AFF2: variants seen among roughly 807,000 people sequenced by gnomAD.
The protein encoded by AFF2 is AF4/FMR2 family member 2.
AFF2 carries 14 observed loss-of-function variants against 76.9 expected under a neutral mutation model. The observed-to-expected ratio is 0.18, with a 90% CI of 0.12 to 0.28. The LOEUF (loss-of-function observed/expected upper bound fraction) is 0.28, where lower values mean the gene tolerates loss of function less well. AFF2 is among the 10% of genes least tolerant of loss of function. The pLI is 1.00. For synonymous variants in AFF2, 398 were observed against 366.7 expected (o/e 1.09, Z -0.98); for missense variants, 868 against 1,001.1 (o/e 0.87, Z 1.79).
At chrX:148,559,240 A>G (rs781815401) in intron 1 of AFF2, among the ~76,000 whole-genome samples, 3 of 111,606 alleles carry the variant, frequency 2.7e-5, no homozygotes, top group Non-Finnish European at 5.7e-5. Context: ...AAAAATCAAG[A>G]CGCATGCAGA....
rs988928703 is a variant in AFF2, at chrX:148,604,597, A to T, written c.48-47402A>T. ...ACATGCAAATTGAAATTACAGATTT[A>T]AAAAAAAGGAAAATAAAACACTACA... is the stretch of plus-strand genomic sequence containing the variant. On this transcript the variant is annotated intron_variant, in intron 1 of 20. Coordinates refer to ENST00000370460, the MANE Select transcript of AFF2 (RefSeq NM_002025.4). Among the ~76,000 whole-genome samples, 13 of 111,832 alleles carry T rather than the reference A, an allele frequency of 1.2e-4. No individual in the cohort carries two copies. The East Asian group carries it at 1.4e-3, about 12-fold the overall frequency.
intron 2 of AFF2, among the ~76,000 whole-genome samples, chrX:148,653,113 A>G (rs113449354): frequency 0.013 from 1,402 of 111,206 alleles, 25 homozygotes; most frequent in African/African-American, 0.044. Flanking sequence ...ACCTTGTTCA[A>G]AGCAAGTAAG....
chrX:148,981,331 T>C (rs1557290834), intron 19 of AFF2, among the ~76,000 whole-genome samples: 1 of 111,098 alleles, frequency 9.0e-6, no homozygotes, highest in Non-Finnish European at 1.9e-5. Flanking sequence ...CCTGAGGCCT[T>C]ATTTAGAGTT....
At chrX:148,912,312 G>A (rs782763095) in intron 9 of AFF2, among the ~76,000 whole-genome samples, 1 of 111,774 alleles carries the variant, frequency 8.9e-6, no homozygotes, top group Non-Finnish European at 1.9e-5. Context: ...AGGCCCTGGT[G>A]TGTGTGTTCC....
chrX:148,745,418 C>T (rs782095361), intron 3 of AFF2, among the ~76,000 whole-genome samples: 4 of 111,582 alleles, frequency 3.6e-5, no homozygotes, highest in South Asian at 3.8e-4. Flanking sequence ...ACTCTATCTC[C>T]GGAATTATAT....
intron 7 of AFF2, among the ~76,000 whole-genome samples, chrX:148,849,795 G>A (rs1263878411): frequency 9.0e-6 from 1 of 111,651 alleles, no homozygotes; most frequent in African/African-American, 3.3e-5. Context: ...AGGCAGAACA[G>A]GACTGACTCC....
At position 148,776,751 on chromosome X, in the gene AFF2, AT is replaced by A. The variant is rs782083924; in HGVS notation, c.1042-33123del. ...TTTAAGTTCCTTGTAGATTCTGGAT[AT>A]TAGCCCTTTGTCAGATGGATAGATT... On this transcript the variant is annotated intron_variant, in intron 3 of 20. Coordinates refer to ENST00000370460, the MANE Select transcript of AFF2 (RefSeq NM_002025.4). 3.6e-5 allele frequency among the ~76,000 whole-genome samples: 4 copies of A among 111,150 alleles called. No individual in the cohort carries two copies. In the East Asian group the frequency reaches 8.5e-4, roughly 24 times the overall value.
intron 8 of AFF2, among the ~76,000 whole-genome samples, chrX:148,891,742 G>A (rs1445257188): frequency 9.0e-6 from 1 of 111,587 alleles, no homozygotes; most frequent in African/African-American, 3.3e-5. Flanking sequence ...AGCCTAGTTA[G>A]ATCTGGCCAT....
intron 1 of AFF2, among the ~76,000 whole-genome samples, chrX:148,567,903 G>T (rs1204478037): frequency 8.9e-6 from 1 of 111,766 alleles, no homozygotes; most frequent in Non-Finnish European, 1.9e-5. Context: ...ATCAGGAGGA[G>T]CGAGGTGTTC....
At chrX:148,694,201 A>G (rs1178189848) in intron 3 of AFF2, among the ~76,000 whole-genome samples, 1 of 107,960 alleles carries the variant, frequency 9.3e-6, no homozygotes, top group Admixed American at 1.0e-4. Context: ...TAGCATTGGG[A>G]GATATACCTA....
chrX:148,948,409 T>C (rs1326231898), intron 9 of AFF2, among the ~76,000 whole-genome samples: 1 of 111,990 alleles, frequency 8.9e-6, no homozygotes, highest in Non-Finnish European at 1.9e-5. Context: ...CAATACACTT[T>C]AGGTTCATAA....
intron 7 of AFF2, among the ~76,000 whole-genome samples, chrX:148,844,001 A>G (rs1171501113): frequency 3.6e-5 from 4 of 112,258 alleles, no homozygotes; most frequent in African/African-American, 1.3e-4. Context: ...TGAGATCACC[A>G]TTAAGTTCTC....
At chrX:148,794,779 G>A (rs2069945080) in intron 3 of AFF2, among the ~76,000 whole-genome samples, 1 of 110,935 alleles carries the variant, frequency 9.0e-6, no homozygotes, top group South Asian at 3.9e-4. Flanking sequence ...CAGGGGTGGG[G>A]GGTTCATGGC....
chrX:148,755,447 G>A (rs145828422), intron 3 of AFF2, among the ~76,000 whole-genome samples: 12,044 of 111,170 alleles, frequency 0.11, 666 homozygotes, highest in Non-Finnish European at 0.16. Context: ...ACAAAGTGAT[G>A]CGGGGGCGAC....
At chrX:148,874,449 C>T (rs1457309090) in intron 7 of AFF2, among the ~76,000 whole-genome samples, 1 of 110,264 alleles carries the variant, frequency 9.1e-6, no homozygotes, top group Non-Finnish European at 1.9e-5. Flanking sequence ...AAAAAAATGG[C>T]GACTCAGAGA....
Position 148,956,122 on chromosome X carries a change from G to A in AFF2, c.2077G>A (p.Glu693Lys), listed in dbSNP as rs1557287281. The change falls in exon 11 of 21, where the codon GAG (glutamate) becomes AAG (lysine). Residue 693 changes from glutamate (E) to lysine (K), a missense_variant. Glu to Lys is a moderately conservative substitution (Grantham distance 56). This residue lies in a region of AFF2 where 532 missense variants were observed against 564.2 expected (regional missense o/e 0.94). Coordinates refer to ENST00000370460, the MANE Select transcript of AFF2 (RefSeq NM_002025.4). ...EPRPNIPLAP[E>K]KKKYRGPGKI... ...AAGACCTAACATCCCTTTGGCTCCC[G>A]AGAAGAAGAAGTACAGAGGGCCTGG... 3.3e-6 allele frequency: 4 copies of A among 1,208,269 alleles called. No homozygotes were observed. The highest frequency in any genetic ancestry group is 3.4e-6 in the Non-Finnish European group (3 of 894,871).
At chrX:148,700,789 A>T (rs1032949816) in intron 3 of AFF2, among the ~76,000 whole-genome samples, 3 of 110,971 alleles carry the variant, frequency 2.7e-5, no homozygotes, top group African/African-American at 9.9e-5. Context: ...ATTTAGCCCT[A>T]CTCTGTTGCT....
chrX:148,774,542 T>C (rs1287336179), intron 3 of AFF2, among the ~76,000 whole-genome samples: 2 of 111,507 alleles, frequency 1.8e-5, no homozygotes, highest in African/African-American at 6.5e-5. Context: ...ATTCCTCTCT[T>C]ATTTATCAGC....
Position 148,967,043 on chromosome X carries a change from C to T in AFF2, c.3167C>T (p.Thr1056Ile), listed in dbSNP as rs1043805226. The stretch of plus-strand genomic sequence containing the variant: ...CTGCCCCTTCTATCCAGCAGCAGCA[C>T]TAATGTCCGGAGACCCAAGCTCACT... Reference protein sequence around the residue: ...AALPLLSSSSTNVRRPKLTFD... With the variant: ...AALPLLSSSSINVRRPKLTFD... Residue 1056 changes from threonine to isoleucine, a missense_variant, in exon 14 of 21, where the codon ACT becomes ATT. Coordinates refer to ENST00000370460, the MANE Select transcript of AFF2 (RefSeq NM_002025.4). 2 of 1,211,464 alleles carry T rather than the reference C, an allele frequency of 1.7e-6. No individual in the cohort carries two copies. Among genetic ancestry groups the T allele is most frequent in the Non-Finnish European group, 2.2e-6 (2 of 895,511 alleles).
Sources: allele counts gnomAD v4.1 joint callset (sites outside exome capture counted in the v4.1 genomes callset), GRCh38; gene constraint gnomAD v4.1.1; regional missense constraint gnomAD v4.1.1; transcripts MANE v1.5; gene names NCBI Gene and HGNC (gene_info 2026-07-23, HGNC 2026-07-21).